PVT1: variants seen among roughly 807,000 people sequenced by gnomAD.
The protein encoded by PVT1 is Pvt1 oncogene, also known as CXCR4/PVT1 fusion.
intron 3 of PVT1, among the ~76,000 whole-genome samples, chr8:127,899,838 T>C (rs1472219189): frequency 6.6e-6 from 1 of 152,124 alleles, no homozygotes; most frequent in African/African-American, 2.4e-5. Flanking sequence ...TCCCAAAGCC[T>C]CCATGTATTC....
At chr8:127,809,013 A>T (rs1814559169) in intron 2 of PVT1, among the ~76,000 whole-genome samples, 1 of 141,574 alleles carries the variant, frequency 7.1e-6, no homozygotes, top group Non-Finnish European at 1.5e-5. Flanking sequence ...CTGGGCAACA[A>T]AGTGAGATTC....
At chr8:127,845,521 G>GAGA (rs140232493) in intron 2 of PVT1, among the ~76,000 whole-genome samples, 1 of 152,122 alleles carries the variant, frequency 6.6e-6, no homozygotes, top group East Asian at 1.9e-4. Flanking sequence ...CGCTGAAACA[G>GAGA]AGAAGAATGG....
At chr8:127,993,978 G>A (rs1259114552) in intron 4 of PVT1, among the ~76,000 whole-genome samples, 1 of 152,214 alleles carries the variant, frequency 6.6e-6, no homozygotes, top group African/African-American at 2.4e-5. Context: ...AGGGACTGGA[G>A]GCTTGGAGCA....
intron 4 of PVT1, among the ~76,000 whole-genome samples, chr8:128,019,227 T>C (rs1224285630): frequency 6.6e-6 from 1 of 152,244 alleles, no homozygotes; most frequent in South Asian, 2.1e-4. Flanking sequence ...TTTTGTTTTA[T>C]GTTAATTTTT....
intron 5 of PVT1, among the ~76,000 whole-genome samples, chr8:128,092,384 G>T (rs1441011452): frequency 6.6e-6 from 1 of 152,138 alleles, no homozygotes; most frequent in African/African-American, 2.4e-5. Context: ...GACTGATCCA[G>T]CCCACCTCCC....
intron 4 of PVT1, chr8:128,010,217 G>A (rs1817296988): frequency 6.6e-6 from 1 of 152,140 alleles, no homozygotes; most frequent in Admixed American, 6.5e-5. Flanking sequence ...GTGACCATTA[G>A]AGTCCAATTT....
intron 3 of PVT1, among the ~76,000 whole-genome samples, chr8:127,946,233 G>A (rs1302815098): frequency 6.6e-6 from 1 of 152,186 alleles, no homozygotes; most frequent in East Asian, 1.9e-4. Context: ...CCATTCAATC[G>A]ATTGTATTGG....
At chr8:127,903,885 T>G (rs1815789610) in intron 3 of PVT1, among the ~76,000 whole-genome samples, 1 of 152,246 alleles carries the variant, frequency 6.6e-6, no homozygotes, top group South Asian at 2.1e-4. Flanking sequence ...TTCTTATTTC[T>G]TAGAATTGCT....
chr8:127,906,202 C>T (rs1307394220), intron 3 of PVT1, among the ~76,000 whole-genome samples: 1 of 152,164 alleles, frequency 6.6e-6, no homozygotes, highest in East Asian at 1.9e-4. Context: ...TAATGACCAC[C>T]TGGGTTATGT....
chr8:127,949,836 A>T (rs1816483728), intron 3 of PVT1, among the ~76,000 whole-genome samples: 1 of 152,124 alleles, frequency 6.6e-6, no homozygotes, highest in African/African-American at 2.4e-5. Context: ...CCCAGACCTT[A>T]CGGTAAAAAC....
At chr8:128,014,925 A>T (rs1817354576) in intron 4 of PVT1, among the ~76,000 whole-genome samples, 2 of 152,190 alleles carry the variant, frequency 1.3e-5, no homozygotes, top group Admixed American at 6.5e-5. Context: ...CTGTGGAAAG[A>T]TCATAGACTT....
Position 128,010,640 on chromosome 8 carries a change from C to T in PVT1, n.912+21349C>T, listed in dbSNP as rs540355095. ...GGCTTTCTTTAATAGCAAATGGCCT[C>T]TGACTTTTAAGAAGCCATGTGGCTA... On this transcript the variant is annotated intron_variant and non_coding_transcript_variant, in intron 4 of 10. Transcript: ENST00000651587. The T allele has an allele frequency of 3.9e-5, 6 of 152,284 alleles. 1 individual carries two copies. In the South Asian group the frequency reaches 1.0e-3, roughly 26 times the overall value. 9.4% of individuals were successfully genotyped at this position (152,284 alleles called of 1,614,324 possible). A position where few individuals can be genotyped will look rare whatever the true frequency, so the allele number is the denominator to read the frequency against.
chr8:127,924,429 C>T (rs541518039), intron 3 of PVT1, among the ~76,000 whole-genome samples: 56 of 152,096 alleles, frequency 3.7e-4, no homozygotes, highest in African/African-American at 1.2e-3. Flanking sequence ...CTCCGCCTCC[C>T]GGGTTCAGGC....
At chr8:127,940,523 T>C (rs1476588502) in intron 3 of PVT1, 2 of 151,688 alleles carry the variant, frequency 1.3e-5, no homozygotes, top group Non-Finnish European at 2.9e-5. Flanking sequence ...TCAATTTCTA[T>C]GATTGCCATA....
chr8:127,991,815 A>G (rs77017824), intron 4 of PVT1, among the ~76,000 whole-genome samples: 2,008 of 152,204 alleles, frequency 0.013, 52 homozygotes, highest in African/African-American at 0.046. Flanking sequence ...GTGCAGTTCT[A>G]CTTGTCCTAA....
chr8:127,950,109 G>C (rs745334173), intron 3 of PVT1, among the ~76,000 whole-genome samples: 3 of 152,264 alleles, frequency 2.0e-5, no homozygotes, highest in Non-Finnish European at 4.4e-5. Context: ...CACTTTACAT[G>C]AATCTTCTCA....
intron 4 of PVT1, among the ~76,000 whole-genome samples, chr8:128,055,323 G>A (rs1482507645): frequency 6.6e-6 from 1 of 152,122 alleles, no homozygotes; most frequent in African/African-American, 2.4e-5. Context: ...GACAGATTTA[G>A]GTATGACTCC....
intron 2 of PVT1, among the ~76,000 whole-genome samples, chr8:127,872,061 C>T (rs994275493): frequency 2.8e-4 from 43 of 152,244 alleles, no homozygotes; most frequent in African/African-American, 1.0e-3. Context: ...CATTGCACTC[C>T]AGCCTGGGGG....
intron 3 of PVT1, among the ~76,000 whole-genome samples, chr8:127,958,044 T>C (rs562962441): frequency 1.8e-3 from 273 of 152,254 alleles, no homozygotes; most frequent in African/African-American, 6.3e-3. Context: ...CACATGGGAA[T>C]GACAGGTGGT....
Sources: allele counts gnomAD v4.1 joint callset (sites outside exome capture counted in the v4.1 genomes callset), GRCh38; gene constraint gnomAD v4.1.1; transcripts MANE v1.5; gene names NCBI Gene and HGNC (gene_info 2026-07-23, HGNC 2026-07-21).